Variants in ZNF385D observed in about 807,000 individuals in gnomAD.
ZNF385D encodes the protein zinc finger protein 385D, also known as zinc finger protein 659.
A neutral mutation model predicts 35.8 loss-of-function variants in ZNF385D; 15 were observed. The ratio of observed to expected loss-of-function variants is 0.42; its 90% CI spans 0.28 to 0.64. ZNF385D has a LOEUF of 0.64. ZNF385D is among the 30% of genes least tolerant of loss of function. ZNF385D has a pLI of 0.23. For synonymous variants in ZNF385D, 212 were observed against 186.8 expected (o/e 1.13, Z -1.10); for missense variants, 474 against 494.6 (o/e 0.96, Z 0.39).
intron 2 of ZNF385D, among the ~76,000 whole-genome samples, chr3:22,283,859 A>T (rs1451003462): frequency 6.6e-6 from 1 of 152,160 alleles, no homozygotes; most frequent in Non-Finnish European, 1.5e-5. Flanking sequence ...GGAAGAAAGA[A>T]ATCTCTTAAC....
At chr3:21,550,777 A>T (rs147209426) in intron 3 of ZNF385D, among the ~76,000 whole-genome samples, 1 of 152,120 alleles carries the variant, frequency 6.6e-6, no homozygotes, top group African/African-American at 2.4e-5. Flanking sequence ...CACCACTCCC[A>T]GCTGATCTCT....
At chr3:21,857,850 A>G (rs1300933287) in intron 3 of ZNF385D, among the ~76,000 whole-genome samples, 1 of 151,896 alleles carries the variant, frequency 6.6e-6, no homozygotes, top group Non-Finnish European at 1.5e-5. Flanking sequence ...GATCTGAGGG[A>G]CAACTGGAGA....
At chr3:21,780,279 T>C (rs564064811) in intron 3 of ZNF385D, among the ~76,000 whole-genome samples, 4 of 152,098 alleles carry the variant, frequency 2.6e-5, no homozygotes, top group African/African-American at 9.6e-5. Context: ...CAAAAGAAAG[T>C]AATAGATTAA....
intron 2 of ZNF385D, among the ~76,000 whole-genome samples, chr3:21,592,202 C>T (rs2063995588): frequency 6.6e-6 from 1 of 152,090 alleles, no homozygotes; most frequent in African/African-American, 2.4e-5. Flanking sequence ...CTTATCTAAA[C>T]CAAACACCTA....
chr3:21,789,474 T>A (rs1413815110), intron 3 of ZNF385D, among the ~76,000 whole-genome samples: 1 of 152,190 alleles, frequency 6.6e-6, no homozygotes, highest in East Asian at 1.9e-4. Flanking sequence ...TTCACTCAAC[T>A]ATGGGCATGT....
At chr3:22,139,316 A>G (rs1478622507) in intron 3 of ZNF385D, among the ~76,000 whole-genome samples, 2 of 152,192 alleles carry the variant, frequency 1.3e-5, no homozygotes, top group Admixed American at 1.3e-4. Flanking sequence ...ACATGTACAC[A>G]TATGTTTAAT....
rs9814051 is a variant in ZNF385D at position 21,844,015 on chromosome 3, A to C, written c.326-178987T>G. On this transcript the variant is annotated intron_variant, in intron 3 of 5. Transcript: ENST00000494108. ...TAACATAGCAAGTAATGCGTCACAC[A>C]AAAAGTAGAAAGTCTTGTTCTAGGA... 3.8e-3 allele frequency among the ~76,000 whole-genome samples: 575 copies of C among 152,094 alleles called. 3 individuals carry two copies. The highest frequency in any genetic ancestry group is 0.013 in the African/African-American group (533 of 41,532).
chr3:22,134,682 T>G (rs1359366878), intron 3 of ZNF385D, among the ~76,000 whole-genome samples: 1 of 152,178 alleles, frequency 6.6e-6, no homozygotes, highest in African/African-American at 2.4e-5. Context: ...TAATTTACAA[T>G]GAACAGAAGA....
chr3:21,833,228 G>T (rs186628389), intron 3 of ZNF385D, among the ~76,000 whole-genome samples: 295 of 152,244 alleles, frequency 1.9e-3, no homozygotes, highest in African/African-American at 6.6e-3. Flanking sequence ...TACTTAGTGG[G>T]CTGAAAGTTG....
chr3:22,012,953 C>T lies in ZNF385D; in HGVS notation c.325+155864G>A, dbSNP rs537354129. ...ACCGCATTTAGTGTTTCCATCTTCCCAAATCCCATTAATATGATAGAAAAA... is the reference window on the plus strand; with the variant it reads ...ACCGCATTTAGTGTTTCCATCTTCCTAAATCCCATTAATATGATAGAAAAA... On this transcript the variant is annotated intron_variant, in intron 3 of 5. Coordinates refer to the ZNF385D transcript ENST00000494108. Among the ~76,000 whole-genome samples the T allele has an allele frequency of 2.0e-5, 3 of 152,056 alleles. No homozygotes were observed. The East Asian group carries it at 5.8e-4, about 29-fold the overall frequency.
chr3:22,096,364 G>GA (rs77630732), intron 3 of ZNF385D, among the ~76,000 whole-genome samples: 33,289 of 151,522 alleles, frequency 0.22, 4,135 homozygotes, highest in Non-Finnish European at 0.27. Context: ...TTTTTTAAAA[G>GA]AAAAAAACTG....
chr3:21,759,041 G>A (rs533295119), intron 3 of ZNF385D, among the ~76,000 whole-genome samples: 1 of 131,034 alleles, frequency 7.6e-6, no homozygotes, highest in Non-Finnish European at 1.6e-5. Flanking sequence ...TCCTGAACTC[G>A]AATGTTCAAG....
chr3:21,918,967 C>G (rs888968542), intron 3 of ZNF385D, among the ~76,000 whole-genome samples: 4 of 152,172 alleles, frequency 2.6e-5, no homozygotes, highest in Admixed American at 2.6e-4. Context: ...CAAATCCTTT[C>G]TACTTTTGTC....
At chr3:21,598,874 A>G (rs1427925735) in intron 2 of ZNF385D, among the ~76,000 whole-genome samples, 13 of 152,214 alleles carry the variant, frequency 8.5e-5, no homozygotes, top group Admixed American at 8.5e-4. Context: ...GAAGTTCACC[A>G]TTCCCTTATG....
At position 22,200,623 on chromosome 3, in the gene ZNF385D, C is replaced by T. The variant is rs1397071525; in HGVS notation, c.107-31588G>A. On this transcript the variant is annotated intron_variant, in intron 2 of 5. Coordinates refer to the ZNF385D transcript ENST00000494108. ...AGACAGGGTTTTGAGAGCAACTAGT[C>T]TGACCAAAATTTATTAGGTGGGAAT... Among the ~76,000 whole-genome samples, 4 of 152,092 alleles carry T rather than the reference C, an allele frequency of 2.6e-5. No individual in the cohort carries two copies. The East Asian group carries it at 7.8e-4, about 30-fold the overall frequency.
chr3:21,730,878 C>T (rs2068965041), intron 1 of ZNF385D, among the ~76,000 whole-genome samples: 2 of 152,158 alleles, frequency 1.3e-5, no homozygotes, highest in South Asian at 2.1e-4. Context: ...GTCATGGCTG[C>T]ACCCTATTCC....
intron 1 of ZNF385D, among the ~76,000 whole-genome samples, chr3:21,666,636 TTGAG>T (rs1390138576): frequency 2.0e-5 from 3 of 152,210 alleles, no homozygotes; most frequent in African/African-American, 7.2e-5. Context: ...TGGTAGTGTA[TTGAG>T]TGTGAGTGTG....
chr3:22,105,720 T>A (rs1055681738), intron 3 of ZNF385D, among the ~76,000 whole-genome samples: 1 of 152,068 alleles, frequency 6.6e-6, no homozygotes, highest in Admixed American at 6.6e-5. Flanking sequence ...TCTATTAAGG[T>A]CCTCAATGAT....
intron 2 of ZNF385D, among the ~76,000 whole-genome samples, chr3:22,269,011 A>G (rs547705891): frequency 3.2e-4 from 49 of 152,110 alleles, no homozygotes; most frequent in Middle Eastern, 3.4e-3. Context: ...TCATTTTCAT[A>G]CACAATGGTC....
Sources: gnomAD v4.1 joint callset for allele counts (sites outside exome capture counted in the v4.1 genomes callset) on GRCh38, gnomAD v4.1.1 for gene constraint, MANE v1.5 for transcripts, NCBI Gene and HGNC (gene_info 2026-07-23, HGNC 2026-07-21) for gene names.